Variants in FOXP1 observed in about 807,000 individuals in gnomAD.
FOXP1 encodes forkhead box protein P1.
In FOXP1, 15 loss-of-function variants were observed where a neutral mutation model predicts 98.2. The observed-to-expected ratio is 0.15, with a 90% CI of 0.10 to 0.24. FOXP1 has a LOEUF of 0.24. Ranked by LOEUF, FOXP1 falls within the 10% of genes least tolerant of loss-of-function variation. FOXP1 has a pLI of 1.00. For synonymous variants in FOXP1, 371 were observed against 314.5 expected, an observed-to-expected ratio of 1.18 and a Z score of -1.90; for missense variants, 633 against 848.5, an observed-to-expected ratio of 0.75 and a Z score of 3.15.
chr3:71,488,684 C>T (rs896217023), intron 3 of FOXP1, among the ~76,000 whole-genome samples: 1 of 152,164 alleles, frequency 6.6e-6, no homozygotes, highest in South Asian at 2.1e-4. Flanking sequence ...GCAAAATAAA[C>T]GCATCGAAAA....
rs556971776 is a variant in FOXP1 at position 71,304,184 on chromosome 3, G to A, written c.-72-4304C>T. Among the ~76,000 whole-genome samples, 5 of 152,196 alleles carry A rather than the reference G, an allele frequency of 3.3e-5. No individual in the cohort carries two copies. In the South Asian group the frequency reaches 6.2e-4, roughly 19 times the overall value. Reference sequence around the variant, plus strand: ...CCACGTGGTGCAGTAAACCCCAGTCGATGCTTGCCCATGAAATTACTTCAG... The same window carrying A: ...CCACGTGGTGCAGTAAACCCCAGTCAATGCTTGCCCATGAAATTACTTCAG... On this transcript the variant is annotated intron_variant, in intron 4 of 20. Coordinates refer to ENST00000649528, the MANE Select transcript of FOXP1 (RefSeq NM_001349338.3).
intron 8 of FOXP1, among the ~76,000 whole-genome samples, chr3:71,053,113 T>A (rs1316127021): frequency 1.3e-5 from 2 of 152,172 alleles, no homozygotes; most frequent in Non-Finnish European, 2.9e-5. Flanking sequence ...GAAGTCTGAA[T>A]ATTAGGTCCC....
chr3:71,067,650 A>T (rs1220780748), intron 7 of FOXP1, among the ~76,000 whole-genome samples: 1 of 151,396 alleles, frequency 6.6e-6, no homozygotes, highest in Non-Finnish European at 1.5e-5. Flanking sequence ...TAATCCCAGC[A>T]CTTTGGGAGG....
chr3:71,389,823 A>C (rs2080898307), intron 3 of FOXP1, among the ~76,000 whole-genome samples: 1 of 151,992 alleles, frequency 6.6e-6, no homozygotes, highest in African/African-American at 2.4e-5. Context: ...ACCATAAATT[A>C]TACTGACTCC....
At chr3:71,085,223 A>C (rs972097317) in intron 7 of FOXP1, among the ~76,000 whole-genome samples, 7 of 152,156 alleles carry the variant, frequency 4.6e-5, no homozygotes, top group African/African-American at 1.7e-4. Flanking sequence ...GCTCACTGCA[A>C]CCTCAACCTC....
intron 11 of FOXP1, among the ~76,000 whole-genome samples, chr3:71,034,041 C>G (rs2047240552): frequency 2.0e-5 from 3 of 152,134 alleles, no homozygotes; most frequent in Admixed American, 6.5e-5. Context: ...GGTCCTCTTT[C>G]CGGTCCCCTA....
chr3:71,179,657 T>G (rs922474294), intron 6 of FOXP1, among the ~76,000 whole-genome samples: 6 of 152,228 alleles, frequency 3.9e-5, no homozygotes, highest in Non-Finnish European at 8.8e-5. Context: ...CTGCTAGCTC[T>G]TTTCTCATCT....
chr3:71,322,720 G>C (rs1306643357), intron 4 of FOXP1, among the ~76,000 whole-genome samples: 3 of 152,150 alleles, frequency 2.0e-5, no homozygotes, highest in African/African-American at 7.2e-5. Flanking sequence ...GGAGAAATTA[G>C]GATCCAACTA....
At chr3:71,263,018 C>G (rs1239739318) in intron 5 of FOXP1, among the ~76,000 whole-genome samples, 1 of 152,140 alleles carries the variant, frequency 6.6e-6, no homozygotes, top group Non-Finnish European at 1.5e-5. Flanking sequence ...GGGCTTCTCA[C>G]GCAGTGCCTG....
intron 14 of FOXP1, among the ~76,000 whole-genome samples, chr3:70,979,734 G>A (rs1469168785): frequency 2.7e-5 from 4 of 148,278 alleles, no homozygotes; most frequent in African/African-American, 9.9e-5. Context: ...TTAAAAGAGA[G>A]TTCCAATATG....
rs1276311427 is a variant in FOXP1 at position 71,582,280 on chromosome 3, T to C, written c.-446-583A>G. 3.1e-6 allele frequency: 3 copies of C among 982,536 alleles called. No homozygotes were observed. The African/African-American group carries it at 5.3e-5, about 17-fold the overall frequency. The allele number at this position is 982,536 out of a possible 1,614,324, so 60.9% of individuals were successfully genotyped here. On this transcript the variant is annotated intron_variant, in intron 1 of 20. Coordinates refer to ENST00000649528, the MANE Select transcript of FOXP1 (RefSeq NM_001349338.3). Reference sequence around the variant, plus strand: ...CTAAGTTTCCGAGCGCGACGTTGTCTGAAAAGGAGGGAGGCGGGAGGCGGG... The same window carrying C: ...CTAAGTTTCCGAGCGCGACGTTGTCCGAAAAGGAGGGAGGCGGGAGGCGGG...
intron 3 of FOXP1, among the ~76,000 whole-genome samples, chr3:71,385,773 G>C (rs1356482994): frequency 6.6e-6 from 1 of 152,096 alleles, no homozygotes; most frequent in East Asian, 1.9e-4. Context: ...TCCTAAGACT[G>C]ATTTATATCG....
intron 14 of FOXP1, among the ~76,000 whole-genome samples, chr3:70,982,097 G>C (rs1358358411): frequency 6.6e-6 from 1 of 152,200 alleles, no homozygotes. Flanking sequence ...GGAGAAGAAA[G>C]ACTCAAAGCA....
chr3:71,573,073 A>G (rs1404892300), intron 2 of FOXP1, among the ~76,000 whole-genome samples: 2 of 152,218 alleles, frequency 1.3e-5, no homozygotes, highest in Non-Finnish European at 2.9e-5. Flanking sequence ...TCTTAGGATT[A>G]CCTTATATTT....
chr3:71,518,122 GT>G (rs201435436), intron 2 of FOXP1, among the ~76,000 whole-genome samples: 1 of 150,840 alleles, frequency 6.6e-6, no homozygotes, highest in African/African-American at 2.4e-5. Context: ...ATTTGACAGT[GT>G]TTTTTTTTGT....
intron 3 of FOXP1, among the ~76,000 whole-genome samples, chr3:71,404,876 A>C (rs756538403): frequency 9.2e-5 from 14 of 152,190 alleles, no homozygotes; most frequent in Non-Finnish European, 2.1e-4. Context: ...AGAGGCAAGC[A>C]GCCTATAACT....
intron 5 of FOXP1, among the ~76,000 whole-genome samples, chr3:71,209,483 C>T (rs1253228210): frequency 6.6e-6 from 1 of 152,164 alleles, no homozygotes; most frequent in Non-Finnish European, 1.5e-5. Context: ...TTCTCAACTA[C>T]TCTGCAAAAA....
chr3:71,380,392 T>TA (rs1376241679), intron 3 of FOXP1, among the ~76,000 whole-genome samples: 1 of 152,224 alleles, frequency 6.6e-6, no homozygotes, highest in African/African-American at 2.4e-5. Flanking sequence ...CAACGTTGTG[T>TA]AAGTCAGGTA....
intron 7 of FOXP1, among the ~76,000 whole-genome samples, chr3:71,090,367 T>C (rs2055668292): frequency 6.6e-6 from 1 of 152,178 alleles, no homozygotes; most frequent in Admixed American, 6.5e-5. Context: ...GTGCAGTATG[T>C]AATGTGATAA....
Sources: allele counts gnomAD v4.1 joint callset (sites outside exome capture counted in the v4.1 genomes callset), GRCh38; gene constraint gnomAD v4.1.1; transcripts MANE v1.5; gene names NCBI Gene and HGNC (gene_info 2026-07-23, HGNC 2026-07-21).